Variants in AFTPH observed in about 807,000 individuals in gnomAD.
AFTPH encodes the protein aftiphilin.
Under a neutral mutation model 72.5 loss-of-function variants are expected in AFTPH, and 7 were observed. That is an observed-to-expected ratio of 0.10 (90% CI 0.05 to 0.18). AFTPH has a LOEUF of 0.18. Ranked by LOEUF, AFTPH falls within the 10% of genes least tolerant of loss-of-function variation. The pLI is 1.00. For synonymous variants in AFTPH, 337 were observed against 370.1 expected (o/e 0.91, Z 1.03); for missense variants, 979 against 1,060.5 (o/e 0.92, Z 1.07).
chr2:64,569,287 C>A, intron 4 of AFTPH, 69 bp downstream of exon 4: 6 of 1,524,072 alleles, frequency 3.9e-6, no homozygotes, highest in Non-Finnish European at 5.3e-6. Flanking sequence ...TGTCATACTT[C>A]TGTTTAAGCT....
chr2:64,528,162 C>A (rs57850081), intron 1 of AFTPH, among the ~76,000 whole-genome samples: 17,066 of 152,178 alleles, frequency 0.11, 2,670 homozygotes, highest in African/African-American at 0.34. Flanking sequence ...TAATTCCCAT[C>A]GGAAAATTAC....
chr2:64,566,968 T>C (rs1287069255), intron 2 of AFTPH, among the ~76,000 whole-genome samples: 4 of 152,208 alleles, frequency 2.6e-5, no homozygotes, highest in Admixed American at 1.3e-4. Context: ...TCGAATTTTT[T>C]ATCAGTAAAA....
chr2:64,541,417 C>G (rs1231003664), intron 1 of AFTPH, among the ~76,000 whole-genome samples: 1 of 151,742 alleles, frequency 6.6e-6, no homozygotes, highest in Non-Finnish European at 1.5e-5. Flanking sequence ...TGCTAATATG[C>G]TAAGAACAAA....
At chr2:64,591,275 C>T (rs912738329) in intron 8 of AFTPH, among the ~76,000 whole-genome samples, 4 of 152,214 alleles carry the variant, frequency 2.6e-5, no homozygotes, top group Admixed American at 2.6e-4. Flanking sequence ...GAGTTCCGTC[C>T]TGCCTGTGTA....
intron 2 of AFTPH, among the ~76,000 whole-genome samples, chr2:64,559,570 A>T (rs1473270900): frequency 6.6e-6 from 1 of 152,192 alleles, no homozygotes; most frequent in Non-Finnish European, 1.5e-5. Context: ...TTTTTGTTCT[A>T]TTCAGGTCTT....
intron 8 of AFTPH, among the ~76,000 whole-genome samples, chr2:64,589,184 C>T (rs1673678557): frequency 6.6e-6 from 1 of 152,188 alleles, no homozygotes; most frequent in South Asian, 2.1e-4. Flanking sequence ...TCAACTCTTA[C>T]ATTTAGGTCT....
rs147297083 is a variant in AFTPH at position 64,532,074 on chromosome 2, T to A, written c.-33+7462T>A. Among the ~76,000 whole-genome samples the A allele has an allele frequency of 1.1e-3, 172 of 152,336 alleles. 2 individuals are homozygous for A. The highest frequency in any genetic ancestry group is 4.0e-3 in the African/African-American group (166 of 41,586). On this transcript the variant is annotated intron_variant, in intron 1 of 8. Transcript: ENST00000238856. ...ATAACTTACTATGGTTCTTATGCTC[T>A]GAAAGAAATATGTGTAGGAGGACTT...
At chr2:64,566,960 G>T (rs969456731) in intron 2 of AFTPH, among the ~76,000 whole-genome samples, 9 of 152,078 alleles carry the variant, frequency 5.9e-5, no homozygotes, top group Admixed American at 2.0e-4. Flanking sequence ...ATGAGCTTTC[G>T]AATTTTTTAT....
intron 6 of AFTPH, among the ~76,000 whole-genome samples, chr2:64,576,074 T>TACACACACACACACAC (rs55774717): frequency 1.6e-5 from 2 of 127,744 alleles, no homozygotes; most frequent in Non-Finnish European, 3.4e-5. Context: ...TTTGGCATGC[T>TACACACACACACACAC]ACACACACAC....
intron 1 of AFTPH, among the ~76,000 whole-genome samples, chr2:64,538,030 A>G (rs1274396724): frequency 6.6e-6 from 1 of 152,214 alleles, no homozygotes; most frequent in Admixed American, 6.5e-5. Flanking sequence ...TAAGAGGGTC[A>G]TGACCAGCTT....
At chr2:64,578,960 G>A (rs1672998218) in intron 6 of AFTPH, 1 of 152,510 alleles carries the variant, frequency 6.6e-6, no homozygotes, top group African/African-American at 2.4e-5. Context: ...CCCAGTACAA[G>A]GATGACACCC....
rs1572955729 is a variant in AFTPH at position 64,542,093 on chromosome 2, A to G, written c.-32-9350A>G. ...TATCTGTCCTTGAAAGATGATGTACACATTGATACAGCTGGGCTGGTACCC... is the reference window on the plus strand; with the variant it reads ...TATCTGTCCTTGAAAGATGATGTACGCATTGATACAGCTGGGCTGGTACCC... On this transcript the variant is annotated intron_variant, in intron 1 of 8. Coordinates refer to ENST00000238856, the Ensembl canonical transcript of AFTPH. 2.0e-5 allele frequency among the ~76,000 whole-genome samples: 3 copies of G among 152,218 alleles called. No homozygotes were observed. In the East Asian group the frequency reaches 5.8e-4, roughly 29 times the overall value.
At chr2:64,561,277 A>G (rs1042997967) in intron 2 of AFTPH, among the ~76,000 whole-genome samples, 3 of 152,248 alleles carry the variant, frequency 2.0e-5, no homozygotes, top group Non-Finnish European at 2.9e-5. Context: ...TGACTGAGTC[A>G]CATAAACTGG....
intron 2 of AFTPH, among the ~76,000 whole-genome samples, chr2:64,561,217 T>C (rs1671722448): frequency 6.6e-6 from 1 of 152,228 alleles, no homozygotes; most frequent in South Asian, 2.1e-4. Flanking sequence ...AATAGCCAGA[T>C]GTGCTGTTTG....
intron 2 of AFTPH, among the ~76,000 whole-genome samples, chr2:64,565,226 C>T (rs1470892985): frequency 6.6e-6 from 1 of 151,804 alleles, no homozygotes; most frequent in Non-Finnish European, 1.5e-5. Flanking sequence ...ACCTGTAACC[C>T]CAGCACTTTG....
At chr2:64,552,549 G>T in exon 2 of AFTPH, 2 of 1,614,006 alleles carry the variant, frequency 1.2e-6, no homozygotes, top group South Asian at 2.2e-5. Context: ...AGAAAAACTT[G>T]ACTTACTTAC....
chr2:64,524,386 AGGCGGCGGC>A (rs914103794), exon 1 of AFTPH: 6 of 403,468 alleles, frequency 1.5e-5, no homozygotes, highest in Non-Finnish European at 2.6e-5. Context: ...GAGGTGGAGG[AGGCGGCGGC>A]GGCGGCGGAA....
Position 64,533,532 on chromosome 2 carries a change from ATTC to A in AFTPH, c.-33+8922_-33+8924del, listed in dbSNP as rs1164225248. Among the ~76,000 whole-genome samples the A allele has an allele frequency of 7.2e-5, 11 of 152,368 alleles. No homozygotes were observed. In the South Asian group the frequency reaches 1.7e-3, roughly 23 times the overall value. ...AACTTAAAATAAGAATTACTGAATAATTCTGTAAGACAATAAAAACATACACCT... is the reference window on the plus strand; with the variant it reads ...AACTTAAAATAAGAATTACTGAATAATGTAAGACAATAAAAACATACACCT... On this transcript the variant is annotated intron_variant, in intron 1 of 8. Coordinates refer to ENST00000238856, the Ensembl canonical transcript of AFTPH.
intron 5 of AFTPH, 77 bp from the exon 6 acceptor site, chr2:64,572,869 C>G: frequency 6.5e-7 from 1 of 1,546,910 alleles, no homozygotes; most frequent in Non-Finnish European, 8.7e-7. Context: ...TTTTTACCTT[C>G]TTCTTTCTGA....
Sources: gnomAD v4.1 joint callset for allele counts (sites outside exome capture counted in the v4.1 genomes callset) on GRCh38, gnomAD v4.1.1 for gene constraint, MANE v1.5 for transcripts, NCBI Gene and HGNC (gene_info 2026-07-23, HGNC 2026-07-21) for gene names.